TIAM1: variants seen among roughly 807,000 people sequenced by gnomAD.
The protein encoded by TIAM1 is TIAM Rac1 associated GEF 1, also known as rho guanine nucleotide exchange factor TIAM1.
Under a neutral mutation model 163.5 loss-of-function variants are expected in TIAM1, and 65 were observed. The ratio of observed to expected loss-of-function variants is 0.40; its 90% CI spans 0.33 to 0.49. The LOEUF is 0.49. Ranked by LOEUF, TIAM1 falls within the 20% of genes least tolerant of loss-of-function variation. TIAM1 has a pLI of 0.77. For missense variants in TIAM1, 1,789 were observed against 2,044.7 expected (o/e 0.87, Z 2.41); for synonymous variants, 833 against 810.1 (o/e 1.03, Z -0.48).
At chr21:31,363,090 G>A (rs1174249851) in intron 2 of TIAM1, among the ~76,000 whole-genome samples, 1 of 152,076 alleles carries the variant, frequency 6.6e-6, no homozygotes, top group African/African-American at 2.4e-5. Context: ...TTGGTCCAGG[G>A]GTGGGTTCAC....
intron 2 of TIAM1, among the ~76,000 whole-genome samples, chr21:31,370,609 T>A (rs1025396887): frequency 4.6e-5 from 7 of 152,132 alleles, no homozygotes; most frequent in African/African-American, 1.4e-4. Flanking sequence ...ATCCTCTCAA[T>A]GTGTAAATGT....
intron 2 of TIAM1, among the ~76,000 whole-genome samples, chr21:31,329,352 C>T (rs1457795184): frequency 6.6e-6 from 1 of 152,198 alleles, no homozygotes; most frequent in Non-Finnish European, 1.5e-5. Flanking sequence ...ACGCTGAGGT[C>T]GGCTCCCAGA....
At chr21:31,256,588 TACACACACACAC>T (rs5030999) in intron 4 of TIAM1, among the ~76,000 whole-genome samples, 19 of 128,238 alleles carry the variant, frequency 1.5e-4, no homozygotes, top group East Asian at 1.2e-3. Context: ...TACCCCTCAC[TACACACACACAC>T]ACACACACAC....
At position 31,225,963 on chromosome 21, in the gene TIAM1, G is replaced by T; in HGVS notation, c.1585-13C>A. 1.6e-5 allele frequency: 26 copies of T among 1,607,874 alleles called. No individual in the cohort carries two copies. The highest frequency in any genetic ancestry group is 2.2e-5 in the Non-Finnish European group (26 of 1,176,134). On this transcript the variant is annotated splice_polypyrimidine_tract_variant and intron_variant, in intron 6 of 27. Coordinates refer to ENST00000541036, the MANE Select transcript of TIAM1 (RefSeq NM_001353694.2). ...TCTGGCTAGTGGTCTGTACCAGGAA[G>T]AAGGGGCAGGAAGAAAAAGGCACCT...
At chr21:31,553,361 T>G (rs1025509770) in intron 1 of TIAM1, among the ~76,000 whole-genome samples, 3 of 152,106 alleles carry the variant, frequency 2.0e-5, no homozygotes, top group African/African-American at 4.8e-5. Flanking sequence ...TGTGAGGAGA[T>G]GGAGATGCAC....
intron 15 of TIAM1, 127 bp from the exon 16 acceptor site, chr21:31,165,192 C>G: frequency 1.5e-6 from 1 of 689,614 alleles, no homozygotes; most frequent in Admixed American, 2.4e-5. Flanking sequence ...CCTCCAAGTA[C>G]AAGCTCCATC....
At chr21:31,548,299 A>C (rs1215288988) in intron 1 of TIAM1, among the ~76,000 whole-genome samples, 1 of 151,378 alleles carries the variant, frequency 6.6e-6, no homozygotes, top group East Asian at 1.9e-4. Context: ...GTGCCACCAC[A>C]CCCAGCCAAT....
intron 2 of TIAM1, among the ~76,000 whole-genome samples, chr21:31,400,517 T>A (rs2077147239): frequency 6.6e-6 from 1 of 152,304 alleles, no homozygotes; most frequent in East Asian, 1.9e-4. Context: ...TTTGTGGATT[T>A]TCTGCACTCC....
At chr21:31,558,657 G>GCTGCA (rs1204249167) in intron 1 of TIAM1, among the ~76,000 whole-genome samples, 3 of 152,264 alleles carry the variant, frequency 2.0e-5, no homozygotes, top group Non-Finnish European at 4.4e-5. Context: ...AGGCACCTGG[G>GCTGCA]CTGCACGGTC....
intron 2 of TIAM1, among the ~76,000 whole-genome samples, chr21:31,351,589 C>G (rs1405493704): frequency 6.6e-6 from 1 of 152,134 alleles, no homozygotes; most frequent in Non-Finnish European, 1.5e-5. Flanking sequence ...GCAGTCAAAC[C>G]CGGATGGCTG....
intron 2 of TIAM1, among the ~76,000 whole-genome samples, chr21:31,277,145 G>A (rs2073333874): frequency 1.3e-5 from 2 of 152,162 alleles, no homozygotes. Flanking sequence ...CTAACTCACG[G>A]GATGAGGCAG....
chr21:31,401,867 C>G, intron 2 of TIAM1, among the ~76,000 whole-genome samples: 1 of 150,938 alleles, frequency 6.6e-6, no homozygotes, highest in Non-Finnish European at 1.5e-5. Flanking sequence ...GCTAGAACCG[C>G]ACTACTGCCC....
At chr21:31,551,617 C>T (rs1373221758) in intron 1 of TIAM1, among the ~76,000 whole-genome samples, 2 of 151,534 alleles carry the variant, frequency 1.3e-5, no homozygotes, top group East Asian at 1.9e-4. Flanking sequence ...CTGGCATGCA[C>T]CTGTAGTCCC....
At chr21:31,394,310 A>G (rs2077015104) in intron 2 of TIAM1, among the ~76,000 whole-genome samples, 1 of 152,242 alleles carries the variant, frequency 6.6e-6, no homozygotes, top group African/African-American at 2.4e-5. Flanking sequence ...GTGAAGCTAT[A>G]GAGACAGTAA....
rs1206647770 is a variant in TIAM1 at position 31,492,926 on chromosome 21, T to A, written c.-421-28891A>T. Reference sequence around the variant, plus strand: ...AGAAAGAATCTGGAGGAATAAATAATTTTTTAAGGTGTGTTTTAATGAAGT... The same window carrying A: ...AGAAAGAATCTGGAGGAATAAATAAATTTTTAAGGTGTGTTTTAATGAAGT... On this transcript the variant is annotated intron_variant, in intron 1 of 28. Coordinates refer to the TIAM1 transcript ENST00000286827. 3.3e-5 allele frequency among the ~76,000 whole-genome samples: 5 copies of A among 152,190 alleles called. 1 individual carries two copies. The South Asian group carries it at 1.0e-3, about 32-fold the overall frequency.
intron 1 of TIAM1, among the ~76,000 whole-genome samples, chr21:31,503,165 C>T (rs1024459225): frequency 1.2e-4 from 19 of 152,044 alleles, no homozygotes; most frequent in Admixed American, 7.9e-4. Flanking sequence ...GAGGCTGCGG[C>T]GGGTGGGTCG....
intron 1 of TIAM1, among the ~76,000 whole-genome samples, chr21:31,536,104 G>A (rs2048126050): frequency 6.6e-6 from 1 of 152,182 alleles, no homozygotes; most frequent in African/African-American, 2.4e-5. Flanking sequence ...AGAGGCCGGG[G>A]GTTGATGCTT....
intron 1 of TIAM1, among the ~76,000 whole-genome samples, chr21:31,510,461 G>C (rs1271636388): frequency 6.6e-6 from 1 of 152,148 alleles, no homozygotes; most frequent in Admixed American, 6.5e-5. Flanking sequence ...TGAGGGTTCG[G>C]GATTCAACAT....
intron 4 of TIAM1, among the ~76,000 whole-genome samples, chr21:31,256,629 GTAT>G (rs1191713017): frequency 5.1e-4 from 5 of 9,734 alleles, no homozygotes; most frequent in African/African-American, 1.6e-3. Context: ...ACACACACAC[GTAT>G]ATTATCTTTG....
Sources: gnomAD v4.1 joint callset for allele counts (sites outside exome capture counted in the v4.1 genomes callset) on GRCh38, gnomAD v4.1.1 for gene constraint, MANE v1.5 for transcripts, NCBI Gene and HGNC (gene_info 2026-07-23, HGNC 2026-07-21) for gene names.